Variants in PLCB1 observed in about 807,000 individuals in gnomAD.
PLCB1 encodes phospholipase C beta 1, also known as 1-phosphatidylinositol 4,5-bisphosphate phosphodiesterase beta-1.
Under a neutral mutation model 161.8 loss-of-function variants are expected in PLCB1, and 46 were observed. The observed-to-expected ratio is 0.28, with a 90% CI of 0.22 to 0.36. The LOEUF is 0.36. Ranked by LOEUF, PLCB1 falls within the 10% of genes least tolerant of loss-of-function variation. The probability of loss-of-function intolerance (pLI) is 1.00; values close to 1 mark genes in which losing one functional copy is unlikely to be tolerated. For synonymous variants in PLCB1, 517 were observed against 503.7 expected, an observed-to-expected ratio of 1.03 and a Z score of -0.35; for missense variants, 1,016 against 1,472.5, an observed-to-expected ratio of 0.69 and a Z score of 5.07.
intron 2 of PLCB1, among the ~76,000 whole-genome samples, chr20:8,324,070 G>A (rs994012923): frequency 6.6e-6 from 1 of 152,070 alleles, no homozygotes; most frequent in African/African-American, 2.4e-5. Flanking sequence ...GAATTAAACT[G>A]ATTTTTACAG....
chr20:8,407,898 T>C (rs4813860), intron 3 of PLCB1, among the ~76,000 whole-genome samples: 28,147 of 151,878 alleles, frequency 0.19, 2,787 homozygotes, highest in African/African-American at 0.22. Flanking sequence ...TTTTGCAAAA[T>C]ACCTGAGCAG....
At chr20:8,582,766 T>C (rs908548118) in intron 3 of PLCB1, among the ~76,000 whole-genome samples, 9 of 152,144 alleles carry the variant, frequency 5.9e-5, no homozygotes, top group Admixed American at 1.3e-4. Flanking sequence ...GGCAGGCAGA[T>C]CACTTGAGGC....
chr20:8,696,725 A>AATTT lies in PLCB1; in HGVS notation c.1010-880_1010-877dup, dbSNP rs968355617. 2.1e-4 allele frequency among the ~76,000 whole-genome samples: 32 copies of AATTT among 151,914 alleles called. No individual in the cohort carries two copies. The East Asian group carries it at 2.5e-3, about 12-fold the overall frequency. The stretch of plus-strand genomic sequence containing the variant: ...GTTTTGCGATCCTTTGTTTAATTTA[A>AATTT]ATTTATTTATTTATTTATTTATTTT... On this transcript the variant is annotated intron_variant, in intron 10 of 31. Transcript: ENST00000338037.
chr20:8,341,782 GA>G (rs1371026617), intron 2 of PLCB1, among the ~76,000 whole-genome samples: 1 of 152,104 alleles, frequency 6.6e-6, no homozygotes, highest in Non-Finnish European at 1.5e-5. Flanking sequence ...ATTCATTAAT[GA>G]CCTGCTATGT....
chr20:8,841,108 G>A (rs1986487742), intron 31 of PLCB1, among the ~76,000 whole-genome samples: 1 of 152,150 alleles, frequency 6.6e-6, no homozygotes, highest in Non-Finnish European at 1.5e-5. Flanking sequence ...AAAGTGCTGG[G>A]ATTATAGCTG....
intron 3 of PLCB1, among the ~76,000 whole-genome samples, chr20:8,413,824 A>G (rs1979152370): frequency 6.6e-6 from 1 of 152,226 alleles, no homozygotes. Context: ...GTCTAGCACC[A>G]TCTCTGGTGT....
chr20:8,280,320 AGCGAAACTCT>A lies in PLCB1; in HGVS notation c.178-91060_178-91051del, dbSNP rs573222104. ...ATTGCACTCCAACCTGGGCAACAAG[AGCGAAACTCT>A]GTCTCAAAAAAAAAAAAAAAGTTTT... On this transcript the variant is annotated intron_variant, in intron 2 of 31. Transcript: ENST00000338037. Among the ~76,000 whole-genome samples, 744 of 151,356 alleles carry A rather than the reference AGCGAAACTCT, an allele frequency of 4.9e-3. 4 individuals carry two copies. Among genetic ancestry groups the A allele is most frequent in the African/African-American group, 0.017 (707 of 41,204 alleles).
At chr20:8,764,311 T>A (rs994673110) in intron 25 of PLCB1, among the ~76,000 whole-genome samples, 1 of 152,200 alleles carries the variant, frequency 6.6e-6, no homozygotes, top group African/African-American at 2.4e-5. Context: ...TGTACCAGCT[T>A]ATGATGTTTA....
chr20:8,499,781 A>G (rs1375687096), intron 3 of PLCB1, among the ~76,000 whole-genome samples: 1 of 152,138 alleles, frequency 6.6e-6, no homozygotes, highest in African/African-American at 2.4e-5. Context: ...GATTCACAAA[A>G]CTTTTCTCTC....
intron 2 of PLCB1, among the ~76,000 whole-genome samples, chr20:8,230,353 C>G (rs1979962938): frequency 6.6e-6 from 1 of 152,090 alleles, no homozygotes; most frequent in South Asian, 2.1e-4. Context: ...ATAATCAAAT[C>G]AGGGTATTTA....
At chr20:8,643,836 TG>T (rs1289920961) in intron 4 of PLCB1, among the ~76,000 whole-genome samples, 1 of 146,100 alleles carries the variant, frequency 6.8e-6, no homozygotes, top group East Asian at 2.0e-4. Context: ...GGTCTCCCTC[TG>T]ATGCCGAGCC....
At chr20:8,534,183 G>A (rs926988460) in intron 3 of PLCB1, among the ~76,000 whole-genome samples, 7 of 152,102 alleles carry the variant, frequency 4.6e-5, no homozygotes, top group Non-Finnish European at 8.8e-5. Flanking sequence ...GCTCAGTGCA[G>A]CCTTGAACTC....
chr20:8,395,113 C>G (rs1408842171), intron 3 of PLCB1, among the ~76,000 whole-genome samples: 2 of 151,942 alleles, frequency 1.3e-5, no homozygotes, highest in East Asian at 3.9e-4. Flanking sequence ...CTTATAGTAC[C>G]TTAGTATAAA....
At chr20:8,393,583 A>G (rs577806904) in intron 3 of PLCB1, among the ~76,000 whole-genome samples, 2 of 152,224 alleles carry the variant, frequency 1.3e-5, no homozygotes, top group South Asian at 4.2e-4. Flanking sequence ...TTGAGTCCAG[A>G]GTTCAAGGCT....
intron 2 of PLCB1, among the ~76,000 whole-genome samples, chr20:8,347,796 A>T (rs1986043501): frequency 6.6e-6 from 1 of 152,168 alleles, no homozygotes; most frequent in South Asian, 2.1e-4. Flanking sequence ...TAAATTTTTT[A>T]TTGAATTCCA....
At chr20:8,748,597 T>C (rs564836313) in intron 23 of PLCB1, among the ~76,000 whole-genome samples, 1 of 152,292 alleles carries the variant, frequency 6.6e-6, no homozygotes, top group East Asian at 1.9e-4. Context: ...AAATCATGGC[T>C]CCCAATTAAT....
intron 3 of PLCB1, among the ~76,000 whole-genome samples, chr20:8,372,846 C>T (rs997275466): frequency 6.6e-6 from 1 of 152,148 alleles, no homozygotes; most frequent in Non-Finnish European, 1.5e-5. Context: ...GCCTAACTTG[C>T]AATTTCAATA....
chr20:8,546,389 A>G (rs1453559101), intron 3 of PLCB1, among the ~76,000 whole-genome samples: 1 of 151,534 alleles, frequency 6.6e-6, no homozygotes, highest in African/African-American at 2.4e-5. Flanking sequence ...TTTCTAATTG[A>G]TACCAATGAA....
intron 3 of PLCB1, among the ~76,000 whole-genome samples, chr20:8,390,640 A>C (rs1180593006): frequency 6.6e-6 from 1 of 152,200 alleles, no homozygotes; most frequent in African/African-American, 2.4e-5. Flanking sequence ...AAAACTGCAT[A>C]GTCAGAATCA....
Sources: gnomAD v4.1 joint callset for allele counts (sites outside exome capture counted in the v4.1 genomes callset) on GRCh38, gnomAD v4.1.1 for gene constraint, MANE v1.5 for transcripts, NCBI Gene and HGNC (gene_info 2026-07-23, HGNC 2026-07-21) for gene names.